Variants in NRAP observed in about 807,000 individuals in gnomAD.
The protein encoded by NRAP is nebulin related anchoring protein.
NRAP carries 189 observed loss-of-function variants against 225.9 expected under a neutral mutation model. That is an observed-to-expected ratio of 0.84 (90% CI 0.74 to 0.94). The LOEUF (loss-of-function observed/expected upper bound fraction) is 0.94. NRAP is among the 40% of genes least tolerant of loss of function. NRAP has a pLI of 0.00. For synonymous variants in NRAP, 769 were observed against 790.7 expected (o/e 0.97, Z 0.46); for missense variants, 2,176 against 2,168.7 (o/e 1.00, Z -0.07).
intron 25 of NRAP, 61 bp downstream of exon 25, chr10:113,620,543 A>G (rs756598517): frequency 3.6e-6 from 4 of 1,115,838 alleles, no homozygotes; most frequent in Admixed American, 3.6e-5. Context: ...TTTTAATTTT[A>G]TACAGAGACG....
intron 14 of NRAP, among the ~76,000 whole-genome samples, chr10:113,636,518 G>T (rs527818823): frequency 5.3e-5 from 8 of 152,294 alleles, no homozygotes; most frequent in South Asian, 4.1e-4. Flanking sequence ...TGGCCTTACT[G>T]TTGGGGAAGT....
At chr10:113,627,963 T>C (rs1349367366) in intron 20 of NRAP, among the ~76,000 whole-genome samples, 1 of 152,178 alleles carries the variant, frequency 6.6e-6, no homozygotes, top group Admixed American at 6.5e-5. Flanking sequence ...TTATTATAAT[T>C]TGCAAGAGAT....
chr10:113,633,466 T>C (rs1302519581), intron 15 of NRAP, among the ~76,000 whole-genome samples: 2 of 152,198 alleles, frequency 1.3e-5, no homozygotes, highest in South Asian at 2.1e-4. Flanking sequence ...CTTGAGAATA[T>C]TGAACTTTTT....
At chr10:113,656,528 CT>C (rs1227017527) in intron 4 of NRAP, among the ~76,000 whole-genome samples, 6 of 152,140 alleles carry the variant, frequency 3.9e-5, no homozygotes, top group Admixed American at 3.3e-4. Context: ...GTCTCAGATA[CT>C]TTTGGGTTTA....
Position 113,651,905 on chromosome 10 carries a change from C to T in NRAP, c.573G>A (p.Val191=), listed in dbSNP as rs117582231. The change falls in exon 7 of 42, where the codon GTG becomes GTA. Residue 191 remains valine, a splice_region_variant and synonymous_variant. Transcript: ENST00000359988. ...GTTCATCATGCCCTCTCTTATACTC[C>T]ACCTGATGAGAAGACAGTAGAGTCA... ...AKKANQLASQ[V]EYKRGHDERI... 0.036 allele frequency: 57,521 copies of T among 1,598,652 alleles called. 1,289 individuals are homozygous for T. The highest frequency in any genetic ancestry group is 0.11 in the Middle Eastern group (647 of 6,022).
chr10:113,638,834 T>C (rs923013197), intron 14 of NRAP, among the ~76,000 whole-genome samples: 1 of 152,172 alleles, frequency 6.6e-6, no homozygotes, highest in Non-Finnish European at 1.5e-5. Flanking sequence ...TGAACCCACC[T>C]CTAAACTCAA....
Position 113,641,408 on chromosome 10 carries a change from C to G in NRAP, c.1280G>C (p.Arg427Thr). The G allele has an allele frequency of 6.2e-7, 1 of 1,613,982 alleles. No individual in the cohort carries two copies. The highest frequency in any genetic ancestry group is 8.5e-7 in the Non-Finnish European group (1 of 1,179,900). Residue 427 changes from arginine (R) to threonine (T), a missense_variant, in exon 13 of 42, where the codon AGA becomes ACA. Arg to Thr is a moderately conservative substitution (Grantham distance 71). Transcript: ENST00000359988. Reference protein sequence around the residue: ...RGRYEGVGMDRRTLHAMKVGS... With the variant: ...RGRYEGVGMDTRTLHAMKVGS... ...AACTTTCATAGCATGCAGAGTGCGTCTGTCCATACCAACTCCTTCATAGCG... is the reference window on the plus strand; with the variant it reads ...AACTTTCATAGCATGCAGAGTGCGTGTGTCCATACCAACTCCTTCATAGCG...
Position 113,597,174 on chromosome 10 carries a change from C to T in NRAP, c.4343G>A (p.Arg1448His), listed in dbSNP as rs373953176. 1.8e-4 allele frequency: 292 copies of T among 1,606,496 alleles called. 1 individual carries two copies. The South Asian group carries it at 2.2e-3, about 12-fold the overall frequency. ...GAACTTGATACTGTCTGGTTTTTTA[C>T]GGTACTTGGTCTATAAGATAAAGAC... ...AGELISETKY[R>H]KKPDSIKFTT... The change falls in exon 37 of 42, where the codon CGT becomes CAT. Residue 1448 changes from arginine (R) to histidine (H), a missense_variant. Coordinates refer to ENST00000359988, the MANE Select transcript of NRAP (RefSeq NM_198060.4).
intron 11 of NRAP, among the ~76,000 whole-genome samples, chr10:113,644,147 C>CAAAAAAAAA (rs60015356): frequency 0.096 from 4,571 of 47,614 alleles, 731 homozygotes; most frequent in Admixed American, 0.16. Context: ...AACTCCCTCT[C>CAAAAAAAAA]AAAAAAAAAA....
intron 38 of NRAP, among the ~76,000 whole-genome samples, chr10:113,593,333 G>C (rs780886469): frequency 6.6e-6 from 1 of 152,174 alleles, no homozygotes; most frequent in African/African-American, 2.4e-5. Flanking sequence ...CAAAGGAGGA[G>C]TGGCAGATGA....
At chr10:113,636,084 A>T (rs973568348) in intron 14 of NRAP, among the ~76,000 whole-genome samples, 2 of 152,186 alleles carry the variant, frequency 1.3e-5, no homozygotes, top group Admixed American at 1.3e-4. Context: ...TGAACACCTC[A>T]TTCACAGACT....
intron 33 of NRAP, 51 bp downstream of exon 33, chr10:113,606,127 G>A: frequency 7.7e-7 from 1 of 1,305,116 alleles, no homozygotes; most frequent in Non-Finnish European, 1.1e-6. Context: ...CACAGATGTA[G>A]ACATACATGG....
At chr10:113,639,106 A>G (rs1275195280) in intron 14 of NRAP, among the ~76,000 whole-genome samples, 2 of 151,564 alleles carry the variant, frequency 1.3e-5, no homozygotes, top group Non-Finnish European at 2.9e-5. Context: ...AAAAAAAAAA[A>G]AAAAAAAAAA....
chr10:113,604,719 G>A lies in NRAP; in HGVS notation c.4117C>T (p.Gln1373Ter). The change falls in exon 35 of 42, where the codon CAG becomes TAG. Residue 1373 changes from glutamine (Q) to a stop codon, truncating the protein, a stop_gained. Coordinates refer to ENST00000359988, the MANE Select transcript of NRAP (RefSeq NM_198060.4). LOFTEE classifies it high-confidence loss of function. ...TAGTCGTGGTCGCTGGCCAGAGCCT[G>A]GGCATTCTTGGCATGGACCAGGTGC... The part of the protein sequence containing the change: ...MVHLVHAKNA[Q>*]ALASDHDYRT... 6.2e-7 allele frequency: 1 copy of A among 1,614,162 alleles called. No individual in the cohort carries two copies. The highest frequency in any genetic ancestry group is 8.5e-7 in the Non-Finnish European group (1 of 1,180,028).
intron 20 of NRAP, among the ~76,000 whole-genome samples, chr10:113,628,355 T>A (rs1194095002): frequency 6.6e-6 from 1 of 152,048 alleles, no homozygotes; most frequent in African/African-American, 2.4e-5. Flanking sequence ...ACCTGGCTGA[T>A]TTTTTTGTGC....
At chr10:113,601,381 A>G (rs1039993348) in intron 35 of NRAP, among the ~76,000 whole-genome samples, 1 of 152,242 alleles carries the variant, frequency 6.6e-6, no homozygotes, top group African/African-American at 2.4e-5. Flanking sequence ...TTTGCATAAT[A>G]GAAACACGTG....
At position 113,610,470 on chromosome 10, in the gene NRAP, G is replaced by C. The variant is rs1293172566; in HGVS notation, c.3592C>G (p.Leu1198Val). Residue 1198 changes from leucine to valine, a missense_variant, in exon 31 of 42, where the codon CTC becomes GTC. Physicochemically the swap from Leu to Val is conservative, Grantham distance 32. Around this residue, in one of 3 missense-constraint regions of NRAP, gnomAD observed 1,708 missense variants for 1,695.5 expected, o/e 1.01. Coordinates refer to ENST00000359988, the MANE Select transcript of NRAP (RefSeq NM_198060.4). ...GCATCTGTAGTTACCTCACTGATGAGTTCCGATGCTTTCTTCCTCCCTTCA... is the reference window on the plus strand; with the variant it reads ...GCATCTGTAGTTACCTCACTGATGACTTCCGATGCTTTCTTCCTCCCTTCA... The part of the protein sequence containing the change: ...EIEGRKKASE[L>V]ISESKYRQHP... The C allele has an allele frequency of 6.5e-7, 1 of 1,536,664 alleles. No homozygotes were observed. Among genetic ancestry groups the C allele is most frequent in the African/African-American group, 1.4e-5 (1 of 73,776 alleles).
intron 3 of NRAP, among the ~76,000 whole-genome samples, chr10:113,660,375 A>G (rs1367941288): frequency 2.6e-5 from 4 of 152,014 alleles, no homozygotes; most frequent in Non-Finnish European, 5.9e-5. Context: ...GCACACACAC[A>G]TATATATACA....
chr10:113,590,256 T>C (rs1592712601), intron 40 of NRAP, among the ~76,000 whole-genome samples: 1 of 152,164 alleles, frequency 6.6e-6, no homozygotes, highest in South Asian at 2.1e-4. Context: ...CTGCCACTTA[T>C]TTGTTATGGG....
Sources: allele counts gnomAD v4.1 joint callset (sites outside exome capture counted in the v4.1 genomes callset), GRCh38; gene constraint gnomAD v4.1.1; regional missense constraint gnomAD v4.1.1; transcripts MANE v1.5; gene names NCBI Gene and HGNC (gene_info 2026-07-23, HGNC 2026-07-21).